Variants in RAB27A observed in about 807,000 individuals in gnomAD.
RAB27A encodes ras-related protein Rab-27A.
RAB27A carries 17 observed loss-of-function variants against 20.8 expected under a neutral mutation model. That is an observed-to-expected ratio of 0.82 (90% CI 0.56 to 1.23). The LOEUF (loss-of-function observed/expected upper bound fraction) is 1.23. RAB27A is among the 50% of genes most tolerant of loss of function. The pLI, the probability that RAB27A is intolerant of heterozygous loss-of-function variation, is 0.00. For missense variants in RAB27A, 277 were observed against 266.7 expected (o/e 1.04, Z -0.27); for synonymous variants, 85 against 92.8 (o/e 0.92, Z 0.48).
intron 2 of RAB27A, among the ~76,000 whole-genome samples, chr15:55,313,756 G>A (rs1488381891): frequency 2.0e-5 from 3 of 152,090 alleles, no homozygotes; most frequent in East Asian, 3.9e-4. Context: ...GGCGGATCAC[G>A]AGGTCAGGAG....
intron 2 of RAB27A, among the ~76,000 whole-genome samples, chr15:55,252,669 TAGAC>T (rs146857063): frequency 0.029 from 4,428 of 151,950 alleles, 77 homozygotes; most frequent in Non-Finnish European, 0.036. Flanking sequence ...TATTGATTGA[TAGAC>T]AGACAGACAG....
intron 1 of RAB27A, among the ~76,000 whole-genome samples, chr15:55,315,355 A>C (rs1241997741): frequency 2.0e-5 from 3 of 152,198 alleles, no homozygotes; most frequent in African/African-American, 7.2e-5. Context: ...GCACGGGCAA[A>C]GACTTCATGA....
At chr15:55,310,147 T>C (rs969490889) in intron 2 of RAB27A, among the ~76,000 whole-genome samples, 3 of 152,108 alleles carry the variant, frequency 2.0e-5, no homozygotes, top group African/African-American at 7.2e-5. Context: ...GAAAAGCATG[T>C]GAAAAGAGTA....
rs1491185564 is a variant in RAB27A at position 55,274,794 on chromosome 15, T to TTTTATA, written c.-142-4511_-142-4510insTATAAA. Among the ~76,000 whole-genome samples, 9 of 52,168 alleles carry TTTTATA rather than the reference T, an allele frequency of 1.7e-4. 1 individual carries two copies. The highest frequency in any genetic ancestry group is 3.9e-4 in the Non-Finnish European group (9 of 22,990). The allele number at this position is 52,168 out of a possible 152,430, so 34.2% of individuals were successfully genotyped here. On this transcript the variant is annotated intron_variant, in intron 1 of 6. Coordinates refer to ENST00000336787, the MANE Select transcript of RAB27A (RefSeq NM_183235.3). The stretch of plus-strand genomic sequence containing the variant: ...ATCCGTCCTTAAAAAAATAAATAAA[T>TTTTATA]TATATATATATATATATATATATAT...
intron 2 of RAB27A, among the ~76,000 whole-genome samples, chr15:55,262,783 G>C (rs910697667): frequency 1.3e-5 from 2 of 151,862 alleles, no homozygotes; most frequent in African/African-American, 4.8e-5. Context: ...TGGAACTCCT[G>C]GGCTCAAGCC....
chr15:55,256,770 C>T (rs956545473), intron 2 of RAB27A, among the ~76,000 whole-genome samples: 1 of 152,176 alleles, frequency 6.6e-6, no homozygotes, highest in African/African-American at 2.4e-5. Flanking sequence ...GATAGGTCAC[C>T]ATCCCTCTGC....
chr15:55,243,067 G>A (rs977806230), intron 2 of RAB27A, among the ~76,000 whole-genome samples: 35 of 152,246 alleles, frequency 2.3e-4, no homozygotes, highest in African/African-American at 8.4e-4. Flanking sequence ...AGAGAGGTTG[G>A]GTTGAGGGAT....
At chr15:55,221,336 T>C (rs1895559756) in intron 6 of RAB27A, among the ~76,000 whole-genome samples, 1 of 152,162 alleles carries the variant, frequency 6.6e-6, no homozygotes, top group African/African-American at 2.4e-5. Flanking sequence ...CTAGGATCCA[T>C]GGTTTCCATT....
rs1566893120 is a variant in RAB27A at position 55,205,654 on chromosome 15, T to C, written c.519A>G (p.Ala173=). The C allele has an allele frequency of 6.2e-7, 1 of 1,614,148 alleles. No individual in the cohort carries two copies. The highest frequency in any genetic ancestry group is 1.7e-5 in the Admixed American group (1 of 60,024). Residue 173 remains alanine (A), a synonymous_variant, in exon 7 of 7, where the codon GCA becomes GCG. Coordinates refer to ENST00000336787, the MANE Select transcript of RAB27A (RefSeq NM_183235.3). Reference sequence around the variant, plus strand: ...TTATCAGGTCCAGAAGCATCTCAATTGCTTGGCTTATGTTTGTCCCATTGG... The same window carrying C: ...TTATCAGGTCCAGAAGCATCTCAATCGCTTGGCTTATGTTTGTCCCATTGG... ...SAANGTNISQ[A]IEMLLDLIMK...
At chr15:55,238,344 T>G (rs527653248) in intron 2 of RAB27A, 4 of 152,136 alleles carry the variant, frequency 2.6e-5, no homozygotes, top group Admixed American at 2.6e-4. Flanking sequence ...AAATGCACAT[T>G]GGGCTTTAAA....
chr15:55,318,876 C>T (rs192736868), intron 1 of RAB27A: 4 of 188,074 alleles, frequency 2.1e-5, no homozygotes, highest in Non-Finnish European at 3.3e-5. Context: ...GAAATGTTAA[C>T]ACCAACACTG....
chr15:55,287,479 G>A (rs1280469530), intron 1 of RAB27A, among the ~76,000 whole-genome samples: 2 of 152,190 alleles, frequency 1.3e-5, no homozygotes, highest in African/African-American at 2.4e-5. Flanking sequence ...CAGGCATGGT[G>A]GCTCATGCCT....
At chr15:55,214,981 T>G (rs538505445) in intron 6 of RAB27A, among the ~76,000 whole-genome samples, 1 of 152,314 alleles carries the variant, frequency 6.6e-6, no homozygotes, top group South Asian at 2.1e-4. Context: ...CACAGAACAT[T>G]TCTTATACTT....
chr15:55,299,921 T>C (rs958545575), intron 2 of RAB27A, among the ~76,000 whole-genome samples: 12 of 151,572 alleles, frequency 7.9e-5, no homozygotes, highest in East Asian at 2.0e-4. Context: ...CCTGGGTTCA[T>C]GCCATTCTTC....
chr15:55,258,316 C>T (rs968943570), intron 2 of RAB27A, among the ~76,000 whole-genome samples: 2 of 152,148 alleles, frequency 1.3e-5, no homozygotes, highest in African/African-American at 4.8e-5. Flanking sequence ...ATGTATGTGC[C>T]TGTCTCCTAA....
intron 6 of RAB27A, among the ~76,000 whole-genome samples, chr15:55,221,574 G>C (rs76572041): frequency 0.12 from 18,620 of 152,040 alleles, 1,417 homozygotes; most frequent in Admixed American, 0.2. Flanking sequence ...AAGATCACGT[G>C]GGGAGATTTT....
At chr15:55,298,689 C>T (rs138719578) in intron 2 of RAB27A, among the ~76,000 whole-genome samples, 6,968 of 152,136 alleles carry the variant, frequency 0.046, 549 homozygotes, top group African/African-American at 0.16. Context: ...AGCCTGGGAG[C>T]GCTATGGGAG....
rs1352074141 is a variant in RAB27A, at chr15:55,310,837, C to T, written c.-112+3202G>A. 5.3e-5 allele frequency among the ~76,000 whole-genome samples: 8 copies of T among 152,298 alleles called. 1 individual carries two copies. The South Asian group carries it at 1.7e-3, about 32-fold the overall frequency. On this transcript the variant is annotated intron_variant, in intron 2 of 5. Coordinates refer to the RAB27A transcript ENST00000563262. The stretch of plus-strand genomic sequence containing the variant: ...TTATCCTCTAAGATTAGTTGGCCTT[C>T]AATATAATCAGGTGACAGAGAGGTA...
chr15:55,260,515 T>C (rs901869197), intron 2 of RAB27A, among the ~76,000 whole-genome samples: 2 of 152,230 alleles, frequency 1.3e-5, no homozygotes, highest in Admixed American at 1.3e-4. Flanking sequence ...TTATTCATAA[T>C]TGCCAGAACT....
Sources: allele counts gnomAD v4.1 joint callset (sites outside exome capture counted in the v4.1 genomes callset), GRCh38; gene constraint gnomAD v4.1.1; transcripts MANE v1.5; gene names NCBI Gene and HGNC (gene_info 2026-07-23, HGNC 2026-07-21).